NMNAT3: variants seen among roughly 807,000 people sequenced by gnomAD.
NMNAT3 encodes the protein nicotinamide/nicotinic acid mononucleotide adenylyltransferase 3.
In NMNAT3, 21 loss-of-function variants were observed where a neutral mutation model predicts 24.8. The observed-to-expected ratio is 0.85, with a 90% CI of 0.60 to 1.22. The LOEUF (loss-of-function observed/expected upper bound fraction) is 1.22. NMNAT3 is among the 50% of genes most tolerant of loss of function. NMNAT3 has a pLI of 0.00. For missense variants in NMNAT3, 387 were observed against 436.6 expected (o/e 0.89, Z 1.01); for synonymous variants, 136 against 155.2 (o/e 0.88, Z 0.92).
chr3:139,587,539 A>G (rs949362809), intron 3 of NMNAT3, among the ~76,000 whole-genome samples: 37 of 152,182 alleles, frequency 2.4e-4, no homozygotes, highest in Admixed American at 1.8e-3. Flanking sequence ...AGGATGCTTA[A>G]TGCACTCTTG....
chr3:139,570,499 GGTGAC>G (rs1256447075), intron 6 of NMNAT3: 2 of 152,100 alleles, frequency 1.3e-5, no homozygotes, highest in African/African-American at 2.4e-5. Flanking sequence ...CTTTGATGAT[GGTGAC>G]GTATAGATGG....
chr3:139,634,561 C>T (rs1434612674), intron 2 of NMNAT3, 50 bp downstream of exon 3: 2 of 152,082 alleles, frequency 1.3e-5, no homozygotes, highest in African/African-American at 4.8e-5. Flanking sequence ...CTTTTTAACC[C>T]GCTGTTGCTA....
At chr3:139,565,821 A>T (rs1430153520) in intron 6 of NMNAT3, 1 of 152,328 alleles carries the variant, frequency 6.6e-6, no homozygotes, top group South Asian at 2.1e-4. Flanking sequence ...TGCAATAAAC[A>T]TACGTGTGCA....
chr3:139,626,228 CT>C (rs1405791184), intron 3 of NMNAT3, among the ~76,000 whole-genome samples: 1 of 152,064 alleles, frequency 6.6e-6, no homozygotes, highest in Non-Finnish European at 1.5e-5. Flanking sequence ...TTTTCCCCTT[CT>C]GGGATTCCAA....
intron 6 of NMNAT3, among the ~76,000 whole-genome samples, chr3:139,561,631 A>G (rs1446787117): frequency 6.6e-6 from 1 of 152,200 alleles, no homozygotes; most frequent in Non-Finnish European, 1.5e-5. Context: ...GTGCCAAGGA[A>G]TACGATTTTT....
intron 1 of NMNAT3, among the ~76,000 whole-genome samples, chr3:139,638,598 C>T (rs997638362): frequency 4.6e-5 from 7 of 152,228 alleles, no homozygotes; most frequent in Non-Finnish European, 1.0e-4. Context: ...GAGAGTCTGT[C>T]AGTCCCACCT....
chr3:139,596,953 TATATATA>T (rs1559891209), intron 3 of NMNAT3, among the ~76,000 whole-genome samples: 1 of 106,710 alleles, frequency 9.4e-6, no homozygotes, highest in African/African-American at 4.3e-5. Flanking sequence ...TATATATATA[TATATATA>T]TATATTTTTA....
At chr3:139,590,697 G>C (rs550683444) in intron 3 of NMNAT3, among the ~76,000 whole-genome samples, 1 of 152,056 alleles carries the variant, frequency 6.6e-6, no homozygotes, top group Non-Finnish European at 1.5e-5. Flanking sequence ...AATGCGTGCT[G>C]TAGAAATATT....
intron 3 of NMNAT3, among the ~76,000 whole-genome samples, chr3:139,599,997 T>C (rs890738127): frequency 2.6e-5 from 4 of 152,152 alleles, no homozygotes; most frequent in Admixed American, 6.5e-5. Flanking sequence ...TTACTGGAAG[T>C]GTGATCATCT....
At chr3:139,632,872 C>G (rs2056353250) in intron 2 of NMNAT3, among the ~76,000 whole-genome samples, 1 of 152,128 alleles carries the variant, frequency 6.6e-6, no homozygotes, top group Non-Finnish European at 1.5e-5. Context: ...AGGGACTTTA[C>G]AGATGTGATT....
chr3:139,628,015 A>G (rs1269279744), intron 2 of NMNAT3, among the ~76,000 whole-genome samples: 1 of 152,140 alleles, frequency 6.6e-6, no homozygotes, highest in Non-Finnish European at 1.5e-5. Flanking sequence ...GGGACCTTAG[A>G]AGCTACTGGG....
In NMNAT3 at chr3:139,629,727, T is replaced by C. The variant is rs114309498; in HGVS notation, c.-40-1963A>G. ...GGCTTTCATCCAGTTTCCTACTTTA[T>C]ATTCTAGCAACAATGAACTACCTAT... On this transcript the variant is annotated intron_variant, in intron 2 of 6. Transcript: ENST00000643695. Among the ~76,000 whole-genome samples the C allele has an allele frequency of 5.9e-3, 894 of 152,304 alleles. 12 individuals are homozygous for C. The highest frequency in any genetic ancestry group is 0.02 in the African/African-American group (836 of 41,562).
At chr3:139,598,997 A>G (rs927633334) in intron 3 of NMNAT3, among the ~76,000 whole-genome samples, 2 of 152,014 alleles carry the variant, frequency 1.3e-5, no homozygotes, top group African/African-American at 4.8e-5. Flanking sequence ...TGATGGAAAA[A>G]CTGCCCCTTC....
At chr3:139,644,334 A>C (rs1328261839) in intron 1 of NMNAT3, among the ~76,000 whole-genome samples, 2 of 152,188 alleles carry the variant, frequency 1.3e-5, no homozygotes, top group African/African-American at 4.8e-5. Flanking sequence ...GCAACACTGC[A>C]TGCAAAAATA....
At chr3:139,588,369 G>A (rs114146015) in intron 3 of NMNAT3, among the ~76,000 whole-genome samples, 2,206 of 152,190 alleles carry the variant, frequency 0.014, 56 homozygotes, top group African/African-American at 0.05. Flanking sequence ...AGAATTCCTT[G>A]TTTATCTCTA....
At chr3:139,590,338 T>TA (rs1380654142) in intron 3 of NMNAT3, among the ~76,000 whole-genome samples, 1 of 152,162 alleles carries the variant, frequency 6.6e-6, no homozygotes, top group Non-Finnish European at 1.5e-5. Flanking sequence ...ATGTGAACAA[T>TA]AATATGAATC....
chr3:139,607,265 C>G (rs1170373086), intron 3 of NMNAT3, among the ~76,000 whole-genome samples: 1 of 152,184 alleles, frequency 6.6e-6, no homozygotes, highest in African/African-American at 2.4e-5. Context: ...ACTGTTCATA[C>G]TGAAACCTCC....
At chr3:139,623,310 C>G (rs1440795349) in intron 3 of NMNAT3, among the ~76,000 whole-genome samples, 1 of 152,174 alleles carries the variant, frequency 6.6e-6, no homozygotes, top group East Asian at 1.9e-4. Context: ...CCATCTTCTA[C>G]TTCCACATCT....
At position 139,561,149 on chromosome 3, in the gene NMNAT3, C is replaced by T. The variant is rs532720811; in HGVS notation, c.902G>A (p.Arg301Gln). The change falls in exon 7 of 7, where the codon CGA becomes CAA. Residue 301 changes from arginine to glutamine, a missense_variant. By Grantham distance (43) the Arg-to-Gln change is conservative. Coordinates refer to ENST00000643695, the MANE Select transcript of NMNAT3 (RefSeq NM_001320510.2). ...TACGCTCTGCCCTTGGCCCAAGGCT[C>T]GCCTGATGTATGTGGCACTGATCTC... 4.4e-5 allele frequency: 71 copies of T among 1,614,154 alleles called. No individual in the cohort carries two copies. The highest frequency in any genetic ancestry group is 1.9e-4 in the South Asian group (17 of 91,082).
Sources: allele counts gnomAD v4.1 joint callset (sites outside exome capture counted in the v4.1 genomes callset), GRCh38; gene constraint gnomAD v4.1.1; transcripts MANE v1.5; gene names NCBI Gene and HGNC (gene_info 2026-07-23, HGNC 2026-07-21).